RBFOX1: variants seen among roughly 807,000 people sequenced by gnomAD.
RBFOX1 encodes the protein RNA binding fox-1 homolog 1.
In RBFOX1, 8 loss-of-function variants were observed where a neutral mutation model predicts 57.7. The observed-to-expected ratio is 0.14, with a 90% CI of 0.08 to 0.25. The LOEUF (loss-of-function observed/expected upper bound fraction) is 0.25, where lower values mean the gene tolerates loss of function less well. Among genes scored for constraint, RBFOX1 ranks in the 10% least tolerant of loss-of-function variants. The pLI is 1.00. For missense variants in RBFOX1, 611 were observed against 548.5 expected (o/e 1.11, Z -1.14); for synonymous variants, 326 against 222.4 (o/e 1.47, Z -4.15).
intron 4 of RBFOX1, among the ~76,000 whole-genome samples, chr16:7,157,545 G>C (rs2077404842): frequency 1.3e-5 from 2 of 152,124 alleles, no homozygotes; most frequent in South Asian, 4.1e-4. Flanking sequence ...ACCAACCATG[G>C]GGCTTTGCAT....
At chr16:6,903,301 G>C (rs2068931518) in intron 3 of RBFOX1, among the ~76,000 whole-genome samples, 2 of 152,158 alleles carry the variant, frequency 1.3e-5, no homozygotes, top group Non-Finnish European at 2.9e-5. Context: ...CGTTCCTAGA[G>C]AGGTCAGCAG....
chr16:6,584,421 G>A (rs915925499), intron 2 of RBFOX1, among the ~76,000 whole-genome samples: 8 of 150,676 alleles, frequency 5.3e-5, no homozygotes, highest in African/African-American at 1.9e-4. Context: ...AGGCTAGAGT[G>A]CAGTGGCATG....
intron 4 of RBFOX1, among the ~76,000 whole-genome samples, chr16:7,286,083 TC>T (rs1160947342): frequency 1.3e-5 from 2 of 152,202 alleles, no homozygotes; most frequent in African/African-American, 4.8e-5. Context: ...AATTTACCAC[TC>T]TATAAATATT....
At chr16:7,551,110 A>G (rs1014544788) in intron 5 of RBFOX1, among the ~76,000 whole-genome samples, 4 of 150,940 alleles carry the variant, frequency 2.7e-5, no homozygotes, top group Non-Finnish European at 4.4e-5. Context: ...AAAAAAGAAA[A>G]AAAAAGAATA....
chr16:7,199,633 C>T (rs906442869), intron 4 of RBFOX1, among the ~76,000 whole-genome samples: 3 of 152,178 alleles, frequency 2.0e-5, no homozygotes, highest in African/African-American at 4.8e-5. Context: ...GTAGCTCACG[C>T]CTGTAATCCC....
chr16:5,828,298 T>C (rs765313171), intron 3 of RBFOX1, among the ~76,000 whole-genome samples: 1 of 152,180 alleles, frequency 6.6e-6, no homozygotes, highest in Non-Finnish European at 1.5e-5. Context: ...CAATTTATAA[T>C]TACTGTGATA....
intron 3 of RBFOX1, among the ~76,000 whole-genome samples, chr16:6,767,665 C>A (rs2077531150): frequency 6.6e-6 from 1 of 151,868 alleles, no homozygotes; most frequent in Admixed American, 6.6e-5. Context: ...CCTGTAATCC[C>A]AACACTTTGG....
chr16:7,516,862 C>A (rs2076471966), intron 4 of RBFOX1, among the ~76,000 whole-genome samples: 1 of 151,824 alleles, frequency 6.6e-6, no homozygotes, highest in Admixed American at 6.6e-5. Context: ...TTCTTTCTGT[C>A]ATCATGTTTT....
intron 10 of RBFOX1, among the ~76,000 whole-genome samples, chr16:7,619,765 A>G (rs964139534): frequency 6.6e-6 from 1 of 152,114 alleles, no homozygotes; most frequent in African/African-American, 2.4e-5. Flanking sequence ...GACAGTTTCT[A>G]ATTTTTTTTT....
At chr16:6,543,880 C>A (rs1305852610) in intron 2 of RBFOX1, among the ~76,000 whole-genome samples, 1 of 151,972 alleles carries the variant, frequency 6.6e-6, no homozygotes, top group Non-Finnish European at 1.5e-5. Flanking sequence ...AAGGGGAACC[C>A]AGGAAGGATA....
At chr16:5,664,420 T>G (rs1461200092) in intron 3 of RBFOX1, among the ~76,000 whole-genome samples, 3 of 152,084 alleles carry the variant, frequency 2.0e-5, no homozygotes, top group Admixed American at 2.0e-4. Flanking sequence ...CGGTGGTGTG[T>G]GCCTGTAGAG....
chr16:6,375,537 TC>T (rs2091059465), intron 2 of RBFOX1, among the ~76,000 whole-genome samples: 1 of 152,070 alleles, frequency 6.6e-6, no homozygotes, highest in African/African-American at 2.4e-5. Flanking sequence ...GTGCAGTTTC[TC>T]TTTCGGCTCA....
At chr16:6,651,379 C>G (rs1312134623) in intron 2 of RBFOX1, among the ~76,000 whole-genome samples, 1 of 94,486 alleles carries the variant, frequency 1.1e-5, no homozygotes, top group Non-Finnish European at 2.4e-5. Context: ...CCTCTGACTA[C>G]TTCTCTCCCC....
chr16:6,088,965 G>A (rs376355993), intron 1 of RBFOX1, among the ~76,000 whole-genome samples: 27 of 151,428 alleles, frequency 1.8e-4, no homozygotes, highest in Middle Eastern at 3.2e-3. Context: ...GTGTGGTGGC[G>A]CATGCCTGTA....
At chr16:7,031,910 T>G (rs1485672732) in intron 3 of RBFOX1, among the ~76,000 whole-genome samples, 2 of 152,102 alleles carry the variant, frequency 1.3e-5, no homozygotes, top group East Asian at 3.9e-4. Context: ...TCAGTATAAT[T>G]ACGGAGGCCC....
chr16:7,024,740 G>T (rs536559643), intron 3 of RBFOX1, among the ~76,000 whole-genome samples: 1 of 152,298 alleles, frequency 6.6e-6, no homozygotes, highest in African/African-American at 2.4e-5. Flanking sequence ...TGCTGGACTT[G>T]ATTGTCTTTC....
At chr16:5,306,739 G>A (rs1919057) in intron 1 of RBFOX1, among the ~76,000 whole-genome samples, 94,978 of 152,034 alleles carry the variant, frequency 0.62, 30,449 homozygotes, top group South Asian at 0.73. Context: ...TCCATCACCC[G>A]GATCACTTTA....
chr16:7,237,126 A>G lies in RBFOX1; in HGVS notation c.27+185028A>G, dbSNP rs191072239. On this transcript the variant is annotated intron_variant, in intron 4 of 15. Transcript: ENST00000550418. ...TTTCCAAAACTTCCCAGGGGCTGCA[A>G]TACAGCCGCCAACCCAAATGTCATT... Among the ~76,000 whole-genome samples the G allele has an allele frequency of 3.3e-3, 501 of 152,280 alleles. 2 individuals carry two copies. The highest frequency in any genetic ancestry group is 0.011 in the African/African-American group (468 of 41,562).
At chr16:5,637,391 C>T (rs973071378) in intron 3 of RBFOX1, among the ~76,000 whole-genome samples, 1 of 152,130 alleles carries the variant, frequency 6.6e-6, no homozygotes, top group Non-Finnish European at 1.5e-5. Context: ...CATTTCTGCT[C>T]AGCTCCTTCC....
Sources: gnomAD v4.1 joint callset for allele counts (sites outside exome capture counted in the v4.1 genomes callset) on GRCh38, gnomAD v4.1.1 for gene constraint, MANE v1.5 for transcripts, NCBI Gene and HGNC (gene_info 2026-07-23, HGNC 2026-07-21) for gene names.